Variants in ENTPD6 observed in about 807,000 individuals in gnomAD.
The protein encoded by ENTPD6 is CD39 antigen-like 2.
Under a neutral mutation model 61.5 loss-of-function variants are expected in ENTPD6, and 46 were observed. That is an observed-to-expected ratio of 0.75 (90% CI 0.59 to 0.96). The LOEUF (loss-of-function observed/expected upper bound fraction) is 0.96. ENTPD6 is among the 40% of genes least tolerant of loss of function. The pLI is 0.00. For synonymous variants in ENTPD6, 252 were observed against 255.5 expected, an observed-to-expected ratio of 0.99 and a Z score of 0.13; for missense variants, 612 against 629.0, an observed-to-expected ratio of 0.97 and a Z score of 0.29.
chr20:25,227,577 C>T lies in ENTPD6; in HGVS notation c.*1980C>T, dbSNP rs998918258. 2.2e-4 allele frequency among the ~76,000 whole-genome samples: 33 copies of T among 152,226 alleles called. No individual in the cohort carries two copies. The highest frequency in any genetic ancestry group is 7.5e-4 in the African/African-American group (31 of 41,464). On this transcript the variant is annotated 3_prime_UTR_variant, in exon 15 of 15. Coordinates refer to ENST00000376652, the MANE Select transcript of ENTPD6 (RefSeq NM_001247.5). ...CATTTGTCAAAAATAGCTACACGTG[C>T]ACATCGTAAAAGAAGCAAACTAGGG... is the stretch of plus-strand genomic sequence containing the variant.
chr20:25,201,863 G>A (rs890391166), intron 1 of ENTPD6, among the ~76,000 whole-genome samples: 19 of 152,086 alleles, frequency 1.2e-4, no homozygotes, highest in African/African-American at 2.4e-4. Context: ...GACTACAGGC[G>A]CACACCACCA....
rs1340236955 is a variant in ENTPD6, at chr20:25,225,513, T to G, written c.1371T>G (p.Ile457Met). The part of the protein sequence containing the change: ...RSKVLKLTRK[I>M]DNVETSWALG... The stretch of plus-strand genomic sequence containing the variant: ...GTCTTTTCAAGCTCACTCGGAAAAT[T>G]GACAATGTTGAGACCAGCTGGGCTC... The change falls in exon 15 of 15, where the codon ATT becomes ATG. Residue 457 changes from isoleucine (I) to methionine (M), a missense_variant. Ile to Met is a conservative substitution (Grantham distance 10, BLOSUM62 1). Transcript: ENST00000376652. 4 of 1,613,758 alleles carry G rather than the reference T, an allele frequency of 2.5e-6. No homozygotes were observed. Among genetic ancestry groups the G allele is most frequent in the Non-Finnish European group, 3.4e-6 (4 of 1,179,894 alleles).
In ENTPD6 at chr20:25,209,784, A is replaced by G. The variant is rs576723642; in HGVS notation, c.377-65A>G. 2.3e-4 allele frequency: 317 copies of G among 1,393,030 alleles called. 1 individual carries two copies. In the South Asian group the frequency reaches 3.1e-3, roughly 14 times the overall value. 86.3% of individuals were successfully genotyped at this position (1,393,030 alleles called of 1,614,324 possible). A position where few individuals can be genotyped will look rare whatever the true frequency, so the allele number is the denominator to read the frequency against. On this transcript the variant is annotated intron_variant, in intron 3 of 14. Coordinates refer to ENST00000376652, the MANE Select transcript of ENTPD6 (RefSeq NM_001247.5). ...CTGTCTTTAAAAAGTGTGGCTAGTC[A>G]TGATTGTATGTGTTCTCCTGTGTGT...
rs2092768430 is a variant in ENTPD6 at position 25,225,317 on chromosome 20, G to A, written c.1356G>A (p.Lys452=). 6.2e-7 allele frequency: 1 copy of A among 1,612,760 alleles called. No individual in the cohort carries two copies. The highest frequency in any genetic ancestry group is 1.1e-5 in the South Asian group (1 of 91,056). The change falls in exon 14 of 15, where the codon AAG becomes AAA. Residue 452 remains lysine, a splice_region_variant and synonymous_variant. Transcript: ENST00000376652. ...GCTTTCCCAGGAGCAAAGTGCTGAAGGTAAGGGTGCCCTCAGGTCACGCCC... is the reference window on the plus strand; with the variant it reads ...GCTTTCCCAGGAGCAAAGTGCTGAAAGTAAGGGTGCCCTCAGGTCACGCCC... ...EFGFPRSKVL[K]LTRKIDNVET... is the part of the protein sequence containing the mutation.
At chr20:25,199,328 CGT>C (rs1363264923) in intron 1 of ENTPD6, among the ~76,000 whole-genome samples, 1 of 152,140 alleles carries the variant, frequency 6.6e-6, no homozygotes, top group East Asian at 1.9e-4. Flanking sequence ...GAGAGTAGGG[CGT>C]GAGTGTGATC....
intron 1 of ENTPD6, 79 bp downstream of exon 1, chr20:25,195,946 T>G: frequency 8.8e-7 from 1 of 1,140,224 alleles, no homozygotes; most frequent in Non-Finnish European, 1.1e-6. Flanking sequence ...GCGGGCGCGC[T>G]GCGCTCCGGA....
intron 1 of ENTPD6, chr20:25,196,367 C>T (rs1600453506): frequency 2.8e-6 from 1 of 357,136 alleles, no homozygotes; most frequent in Non-Finnish European, 3.9e-6. Flanking sequence ...CCGAGCTGAC[C>T]TGTGAGCCGC....
chr20:25,207,711 G>C (rs879257409), intron 3 of ENTPD6, among the ~76,000 whole-genome samples: 1 of 152,226 alleles, frequency 6.6e-6, no homozygotes, highest in Non-Finnish European at 1.5e-5. Context: ...TTGGGGCTTT[G>C]TGGGGAGTTC....
intron 4 of ENTPD6, among the ~76,000 whole-genome samples, chr20:25,211,413 GTA>G (rs2091952123): frequency 1.3e-5 from 2 of 152,050 alleles, no homozygotes; most frequent in South Asian, 4.1e-4. Context: ...CCCCAGGGTA[GTA>G]GCACAGATGT....
At chr20:25,223,774 G>C (rs6083782) in intron 12 of ENTPD6, 1 of 199,462 alleles carries the variant, frequency 5.0e-6, no homozygotes, top group East Asian at 1.1e-4. Context: ...TATGGCTTCA[G>C]GAAACATTTC....
chr20:25,198,939 A>G (rs2090780868), intron 1 of ENTPD6, among the ~76,000 whole-genome samples: 1 of 152,170 alleles, frequency 6.6e-6, no homozygotes. Context: ...CCTCCTGCCA[A>G]ATGGCCCCTT....
chr20:25,221,321 G>C lies in ENTPD6; in HGVS notation c.1033G>C (p.Gly345Arg). 1 of 1,614,130 alleles carries C rather than the reference G, an allele frequency of 6.2e-7. No homozygotes were observed. Among genetic ancestry groups the C allele is most frequent in the Non-Finnish European group, 8.5e-7 (1 of 1,179,970 alleles). Residue 345 changes from glycine (G) to arginine (R), a missense_variant, in exon 11 of 15, where the codon GGG (glycine) becomes CGG (arginine). Gly to Arg is a moderately radical substitution (Grantham distance 125). Transcript: ENST00000376652. ...EHAEVTYRVSGQKAAASLHEL... is the reference protein window; with the variant it reads ...EHAEVTYRVSRQKAAASLHEL... ...CGCAGAAGTCACGTACAGGGTTTCA[G>C]GGCAGAAAGCAGGTACGGGGAGGGT...
intron 4 of ENTPD6, among the ~76,000 whole-genome samples, chr20:25,210,174 G>A (rs1423676686): frequency 2.6e-5 from 4 of 152,354 alleles, no homozygotes; most frequent in South Asian, 2.1e-4. Context: ...CAACGTGGGG[G>A]TCCCGAGGTC....
chr20:25,215,795 C>A, intron 7 of ENTPD6, 84 bp downstream of exon 7: 1 of 1,350,370 alleles, frequency 7.4e-7, no homozygotes, highest in South Asian at 1.2e-5. Flanking sequence ...GCAGGAGCCT[C>A]ATTTCTGCTC....
At position 25,221,220 on chromosome 20, in the gene ENTPD6, T is replaced by G. The variant is rs1257572797; in HGVS notation, c.944-12T>G. The G allele has an allele frequency of 6.2e-7, 1 of 1,603,938 alleles. No homozygotes were observed. Among genetic ancestry groups the G allele is most frequent in the Non-Finnish European group, 8.5e-7 (1 of 1,171,804 alleles). ...ACCTTCCTTTCTCTTTCCTTTTTAA[T>G]CTCTGTTTCAGCTAAGGATGGAAAG... is the stretch of plus-strand genomic sequence containing the variant. On this transcript the variant is annotated splice_polypyrimidine_tract_variant and intron_variant, in intron 10 of 14. Coordinates refer to ENST00000376652, the MANE Select transcript of ENTPD6 (RefSeq NM_001247.5).
chr20:25,214,626 C>A (rs1600611111), intron 5 of ENTPD6: 1 of 494,664 alleles, frequency 2.0e-6, no homozygotes, highest in African/African-American at 1.9e-5. Context: ...GGCAGGTGCC[C>A]CTGGGGTTTC....
At chr20:25,223,956 T>G in intron 12 of ENTPD6, 145 bp from the exon 13 acceptor site, 1 of 655,000 alleles carries the variant, frequency 1.5e-6, no homozygotes, top group South Asian at 2.0e-5. Flanking sequence ...AGCACGTGAG[T>G]GCCGCCTACA....
At chr20:25,217,617 G>T (rs2092388351) in intron 9 of ENTPD6, 36 bp downstream of exon 9, 5 of 1,587,938 alleles carry the variant, frequency 3.1e-6, no homozygotes, top group Non-Finnish European at 4.3e-6. Context: ...GAGGCGCCAT[G>T]GGGTGGGTAT....
At chr20:25,206,495 A>T in intron 1 of ENTPD6, 27 bp from the exon 2 acceptor site, 1 of 1,576,060 alleles carries the variant, frequency 6.3e-7, no homozygotes, top group Non-Finnish European at 8.7e-7. Flanking sequence ...CTTTGGAAGT[A>T]CACAGACATT....
Sources: gnomAD v4.1 joint callset for allele counts (sites outside exome capture counted in the v4.1 genomes callset) on GRCh38, gnomAD v4.1.1 for gene constraint, MANE v1.5 for transcripts, NCBI Gene and HGNC (gene_info 2026-07-23, HGNC 2026-07-21) for gene names.